Variants in CSMD3 observed in about 807,000 individuals in gnomAD.
CSMD3 encodes CUB and Sushi multiple domains 3.
In CSMD3, 177 loss-of-function variants were observed where a neutral mutation model predicts 435.2. The observed-to-expected ratio is 0.41, with a 90% CI of 0.36 to 0.46. The LOEUF is 0.46. Among genes scored for constraint, CSMD3 ranks in the 20% least tolerant of loss-of-function variants. The probability of loss-of-function intolerance (pLI) is 0.34; values close to 1 mark genes in which losing one functional copy is unlikely to be tolerated. For synonymous variants in CSMD3, 1,656 were observed against 1,520.5 expected, an observed-to-expected ratio of 1.09 and a Z score of -2.07; for missense variants, 4,265 against 4,504.6, an observed-to-expected ratio of 0.95 and a Z score of 1.52.
chr8:112,389,473 A>C (rs143849069), intron 36 of CSMD3, among the ~76,000 whole-genome samples: 185 of 152,348 alleles, frequency 1.2e-3, no homozygotes, highest in African/African-American at 4.3e-3. Context: ...GCAAGAATGT[A>C]AGTATGCATC....
chr8:112,518,767 G>C (rs1563649190), intron 27 of CSMD3, among the ~76,000 whole-genome samples: 1 of 151,826 alleles, frequency 6.6e-6, no homozygotes, highest in Non-Finnish European at 1.5e-5. Flanking sequence ...TAACTACCTG[G>C]GAATGGGTAA....
chr8:112,438,580 T>TA (rs893254045), intron 32 of CSMD3, among the ~76,000 whole-genome samples: 5 of 151,822 alleles, frequency 3.3e-5, no homozygotes, highest in African/African-American at 7.3e-5. Context: ...ATAGTTACTT[T>TA]AAAAAAAATA....
At chr8:112,294,036 C>A (rs756057441) in intron 54 of CSMD3, among the ~76,000 whole-genome samples, 3 of 151,952 alleles carry the variant, frequency 2.0e-5, no homozygotes, top group Non-Finnish European at 4.4e-5. Context: ...ATATCCAGGG[C>A]AGACACAAGC....
chr8:112,325,528 C>T (rs1304232591), intron 45 of CSMD3, among the ~76,000 whole-genome samples: 2 of 151,996 alleles, frequency 1.3e-5, no homozygotes, highest in African/African-American at 4.8e-5. Context: ...GGCATTTTTG[C>T]TTTTCTTATT....
chr8:113,156,934 A>AAGAGAGAG lies in CSMD3; in HGVS notation c.709+16780_709+16787dup, dbSNP rs58581247. Among the ~76,000 whole-genome samples the AAGAGAGAG allele has an allele frequency of 3.1e-3, 465 of 147,852 alleles. 1 individual carries two copies. Among genetic ancestry groups the AAGAGAGAG allele is most frequent in the African/African-American group, 0.011 (438 of 40,264 alleles). ...GTGACAGAAAGAGATTTTGTCTCAAAAGAGAGAGAGAGAGAGAGAGAGACA... is the reference window on the plus strand; with the variant it reads ...GTGACAGAAAGAGATTTTGTCTCAAAAGAGAGAGAGAGAGAGAGAGAGAGAGAGAGACA... On this transcript the variant is annotated intron_variant, in intron 4 of 70. Transcript: ENST00000297405.
In CSMD3 at chr8:112,718,515, GTATA is replaced by G. The variant is rs35810260; in HGVS notation, c.1973-28469_1973-28466del. Reference sequence around the variant, plus strand: ...AATGCCTATGTGTGTGTATATATATGTATATATATATATATATATATGCATAAAG... The same window carrying G: ...AATGCCTATGTGTGTGTATATATATGTATATATATATATATATGCATAAAG... On this transcript the variant is annotated intron_variant, in intron 13 of 70. Coordinates refer to ENST00000297405, the MANE Select transcript of CSMD3 (RefSeq NM_198123.2). Among the ~76,000 whole-genome samples, 940 of 140,390 alleles carry G rather than the reference GTATA, an allele frequency of 6.7e-3. 16 individuals carry two copies. The East Asian group carries it at 0.077, about 11-fold the overall frequency. The allele number at this position is 140,390 out of a possible 152,430, so 92.1% of individuals were successfully genotyped here. A position where few individuals can be genotyped will look rare whatever the true frequency, so the allele number is the denominator to read the frequency against.
intron 20 of CSMD3, among the ~76,000 whole-genome samples, chr8:112,639,824 T>C (rs2131593382): frequency 1.3e-5 from 2 of 152,276 alleles, no homozygotes; most frequent in South Asian, 4.1e-4. Flanking sequence ...TCTATTTACC[T>C]GTTCAACTGT....
At chr8:113,220,428 G>T (rs2092953556) in intron 3 of CSMD3, among the ~76,000 whole-genome samples, 1 of 151,252 alleles carries the variant, frequency 6.6e-6, no homozygotes, top group South Asian at 2.1e-4. Flanking sequence ...AACCCACTGG[G>T]CTAAATCCAC....
intron 4 of CSMD3, among the ~76,000 whole-genome samples, chr8:113,155,594 G>A (rs2091913959): frequency 6.6e-6 from 1 of 151,800 alleles, no homozygotes; most frequent in African/African-American, 2.4e-5. Flanking sequence ...AACAAAAGGG[G>A]GATTGAAGTA....
intron 12 of CSMD3, among the ~76,000 whole-genome samples, chr8:112,807,859 G>T (rs1312344579): frequency 6.6e-6 from 1 of 152,116 alleles, no homozygotes; most frequent in Admixed American, 6.6e-5. Flanking sequence ...GGAAACTGAT[G>T]AATGAATTAT....
intron 10 of CSMD3, among the ~76,000 whole-genome samples, chr8:112,917,117 G>C (rs1243503189): frequency 1.3e-5 from 2 of 151,844 alleles, no homozygotes; most frequent in Non-Finnish European, 2.9e-5. Context: ...TGGATGGGTA[G>C]ACCATATTGA....
chr8:112,804,648 T>G (rs979217332), intron 12 of CSMD3, among the ~76,000 whole-genome samples: 5 of 115,678 alleles, frequency 4.3e-5, no homozygotes, highest in Non-Finnish European at 8.5e-5. Flanking sequence ...GCTAACTCAT[T>G]GCATTTATTT....
chr8:113,025,069 T>TA (rs2131204228), intron 5 of CSMD3, among the ~76,000 whole-genome samples: 1 of 152,274 alleles, frequency 6.6e-6, no homozygotes, highest in African/African-American at 2.4e-5. Flanking sequence ...TCTTTTTTTT[T>TA]AAGGCTGAAA....
chr8:113,413,874 A>C (rs920196680), intron 1 of CSMD3, among the ~76,000 whole-genome samples: 1 of 152,200 alleles, frequency 6.6e-6, no homozygotes, highest in Non-Finnish European at 1.5e-5. Context: ...TATTGATCGA[A>C]AGTGTTCGAA....
At chr8:112,356,579 A>G (rs1167744590) in intron 38 of CSMD3, among the ~76,000 whole-genome samples, 1 of 151,506 alleles carries the variant, frequency 6.6e-6, no homozygotes, top group Non-Finnish European at 1.5e-5. Context: ...TGTCCCCTCC[A>G]TATTCCACTT....
intron 30 of CSMD3, among the ~76,000 whole-genome samples, chr8:112,494,478 TTTTG>T (rs1821049566): frequency 9.3e-6 from 1 of 107,780 alleles, no homozygotes; most frequent in African/African-American, 2.7e-5. Flanking sequence ...CTTTCTTTTC[TTTTG>T]TTTCTTTCTC....
At chr8:112,434,916 T>C (rs990883291) in intron 32 of CSMD3, among the ~76,000 whole-genome samples, 3 of 152,214 alleles carry the variant, frequency 2.0e-5, no homozygotes, top group African/African-American at 7.2e-5. Flanking sequence ...GACCTAATGT[T>C]TTTAAACGAA....
intron 22 of CSMD3, among the ~76,000 whole-genome samples, chr8:112,630,317 T>A (rs1382476294): frequency 6.6e-6 from 1 of 152,020 alleles, no homozygotes; most frequent in African/African-American, 2.4e-5. Context: ...GAAGTCCAGC[T>A]AGGAAAAAAG....
At chr8:113,191,346 A>G (rs2092581833) in intron 3 of CSMD3, among the ~76,000 whole-genome samples, 1 of 151,708 alleles carries the variant, frequency 6.6e-6, no homozygotes, top group Non-Finnish European at 1.5e-5. Flanking sequence ...TCACCCAGGT[A>G]CTGACACAAT....
Sources: allele counts gnomAD v4.1 joint callset (sites outside exome capture counted in the v4.1 genomes callset), GRCh38; gene constraint gnomAD v4.1.1; transcripts MANE v1.5; gene names NCBI Gene and HGNC (gene_info 2026-07-23, HGNC 2026-07-21).